ASIC2: variants seen among roughly 807,000 people sequenced by gnomAD.
The protein encoded by ASIC2 is acid-sensing ion channel 2.
ASIC2 carries 25 observed loss-of-function variants against 57.3 expected under a neutral mutation model. The observed-to-expected ratio is 0.44, with a 90% CI of 0.32 to 0.61. The LOEUF is 0.61. Ranked by LOEUF, ASIC2 falls within the 20% of genes least tolerant of loss-of-function variation. The pLI is 0.06. For missense variants in ASIC2, 641 were observed against 738.1 expected, an observed-to-expected ratio of 0.87 and a Z score of 1.52; for synonymous variants, 319 against 307.5, an observed-to-expected ratio of 1.04 and a Z score of -0.39.
At chr17:34,092,080 G>A (rs773973443) in intron 1 of ASIC2, among the ~76,000 whole-genome samples, 39 of 152,180 alleles carry the variant, frequency 2.6e-4, no homozygotes, top group Non-Finnish European at 4.7e-4. Context: ...AGAACTGTGG[G>A]CAGAAAATTC....
At chr17:33,860,854 C>A (rs1914082541) in intron 1 of ASIC2, among the ~76,000 whole-genome samples, 1 of 152,154 alleles carries the variant, frequency 6.6e-6, no homozygotes, top group Non-Finnish European at 1.5e-5. Context: ...GATTGTGTAC[C>A]AAAGACATCC....
chr17:33,169,658 C>A (rs1905433464), intron 1 of ASIC2, among the ~76,000 whole-genome samples: 1 of 152,160 alleles, frequency 6.6e-6, no homozygotes, highest in African/African-American at 2.4e-5. Flanking sequence ...ATTGAAGATC[C>A]CTAGCGTCTC....
chr17:33,251,456 A>G (rs1908879249), intron 1 of ASIC2, among the ~76,000 whole-genome samples: 1 of 152,112 alleles, frequency 6.6e-6, no homozygotes, highest in Non-Finnish European at 1.5e-5. Flanking sequence ...CAGCCTCCCA[A>G]GTAACTGAGA....
chr17:34,047,871 AG>A (rs1260130101), intron 1 of ASIC2, among the ~76,000 whole-genome samples: 1 of 152,240 alleles, frequency 6.6e-6, no homozygotes, highest in Non-Finnish European at 1.5e-5. Context: ...ACTCGGACAA[AG>A]TTTACACCCT....
intron 1 of ASIC2, among the ~76,000 whole-genome samples, chr17:33,537,960 G>A (rs150867426): frequency 7.2e-5 from 11 of 152,270 alleles, no homozygotes; most frequent in South Asian, 2.1e-4. Context: ...TTTTCACTAC[G>A]TGACTTCGGG....
intron 3 of ASIC2, chr17:33,052,220 T>G (rs184238618): frequency 6.6e-6 from 1 of 152,326 alleles, no homozygotes; most frequent in African/African-American, 2.4e-5. Flanking sequence ...CGCCAAATGC[T>G]TTCCCCTAAA....
intron 1 of ASIC2, among the ~76,000 whole-genome samples, chr17:33,701,458 G>A (rs2347558): frequency 0.19 from 29,324 of 152,100 alleles, 3,404 homozygotes; most frequent in African/African-American, 0.33. Context: ...TCAAAATGAA[G>A]AAAGACCATC....
intron 1 of ASIC2, chr17:33,530,133 G>A (rs1018782771): frequency 6.6e-6 from 1 of 152,204 alleles, no homozygotes; most frequent in Non-Finnish European, 1.5e-5. Context: ...GTCCTTAGAT[G>A]TCCTGTTTCT....
At chr17:34,129,491 T>C (rs969167528) in intron 1 of ASIC2, among the ~76,000 whole-genome samples, 2 of 152,192 alleles carry the variant, frequency 1.3e-5, no homozygotes, top group Non-Finnish European at 2.9e-5. Context: ...AGGAACCTCT[T>C]CCACACTCTT....
At chr17:34,020,034 G>A (rs1429578735) in intron 1 of ASIC2, among the ~76,000 whole-genome samples, 1 of 152,168 alleles carries the variant, frequency 6.6e-6, no homozygotes, top group African/African-American at 2.4e-5. Flanking sequence ...ACACGCTTTG[G>A]CCAAAGGAAG....
At chr17:33,113,432 T>C (rs1329090929) in intron 1 of ASIC2, among the ~76,000 whole-genome samples, 1 of 152,186 alleles carries the variant, frequency 6.6e-6, no homozygotes. Context: ...TCTGGCAAAA[T>C]TGGCTGGAAG....
intron 1 of ASIC2, among the ~76,000 whole-genome samples, chr17:33,461,028 G>C (rs1042972073): frequency 2.0e-5 from 3 of 152,198 alleles, no homozygotes; most frequent in Non-Finnish European, 4.4e-5. Flanking sequence ...GTCTGTTGCA[G>C]TCACAAATCA....
chr17:33,638,352 G>A (rs139607631), intron 1 of ASIC2, among the ~76,000 whole-genome samples: 1 of 152,268 alleles, frequency 6.6e-6, no homozygotes, highest in Non-Finnish European at 1.5e-5. Context: ...CCTGGCCTCT[G>A]CCCAGGAATG....
At chr17:34,102,707 T>C (rs1910909386) in intron 1 of ASIC2, among the ~76,000 whole-genome samples, 1 of 152,260 alleles carries the variant, frequency 6.6e-6, no homozygotes, top group Non-Finnish European at 1.5e-5. Context: ...AGCACAATTT[T>C]GTATTCATTT....
chr17:33,526,440 C>T (rs1021957060), intron 1 of ASIC2, among the ~76,000 whole-genome samples: 1 of 152,194 alleles, frequency 6.6e-6, no homozygotes, highest in Non-Finnish European at 1.5e-5. Context: ...TTCTTTCTGG[C>T]TCCAGGAGTC....
At chr17:33,122,764 C>T (rs898203679) in intron 1 of ASIC2, among the ~76,000 whole-genome samples, 2 of 152,172 alleles carry the variant, frequency 1.3e-5, no homozygotes, top group Admixed American at 6.5e-5. Context: ...TACCAGGACT[C>T]GTTCCTCCTG....
intron 3 of ASIC2, among the ~76,000 whole-genome samples, chr17:33,067,844 A>G (rs937278347): frequency 6.6e-6 from 1 of 152,230 alleles, no homozygotes; most frequent in East Asian, 1.9e-4. Context: ...CTTCAAAGCC[A>G]CTTTGCCTTG....
At chr17:33,571,416 C>G (rs1377647961) in intron 1 of ASIC2, among the ~76,000 whole-genome samples, 1 of 152,188 alleles carries the variant, frequency 6.6e-6, no homozygotes, top group Non-Finnish European at 1.5e-5. Context: ...TGATTAATCA[C>G]AGTACCCAGA....
At chr17:33,153,548 T>C (rs1248893553) in intron 1 of ASIC2, among the ~76,000 whole-genome samples, 1 of 152,148 alleles carries the variant, frequency 6.6e-6, no homozygotes, top group Non-Finnish European at 1.5e-5. Flanking sequence ...TCTGGTTTCT[T>C]GGGTGCAGTA....
Sources: gnomAD v4.1 joint callset for allele counts (sites outside exome capture counted in the v4.1 genomes callset) on GRCh38, gnomAD v4.1.1 for gene constraint, MANE v1.5 for transcripts, NCBI Gene and HGNC (gene_info 2026-07-23, HGNC 2026-07-21) for gene names.